The following PWWP2A variants were observed in gnomAD, a reference collection of about 807,000 sequenced individuals.
The protein encoded by PWWP2A is PWWP domain-containing protein 2A.
Under a neutral mutation model 48.5 loss-of-function variants are expected in PWWP2A, and 18 were observed. That is an observed-to-expected ratio of 0.37 (90% CI 0.26 to 0.55). The LOEUF (loss-of-function observed/expected upper bound fraction) is 0.55, where lower values mean the gene tolerates loss of function less well. Among genes scored for constraint, PWWP2A ranks in the 20% least tolerant of loss-of-function variants. The pLI is 0.81. For missense variants in PWWP2A, 867 were observed against 976.4 expected (o/e 0.89, Z 1.49); for synonymous variants, 396 against 387.7 (o/e 1.02, Z -0.25).
At chr5:160,053,312 G>T in the PWWP2A span, among the ~76,000 whole-genome samples, 2 of 152,290 alleles carry the variant, frequency 1.3e-5, no homozygotes, top group East Asian at 3.9e-4. Context: ...GGTAGTGTGG[G>T]CTGGGTGTGG....
rs1755281351 is a variant in PWWP2A at position 160,093,336 on chromosome 5, C to T, written c.1314G>A (p.Lys438=). 6.2e-7 allele frequency: 1 copy of T among 1,613,798 alleles called. No homozygotes were observed. Among genetic ancestry groups the T allele is most frequent in the Non-Finnish European group, 8.5e-7 (1 of 1,179,796 alleles). ...AREVLKIAKE[K]AQKKQNETST... is the part of the protein sequence containing the mutation. ...AGGTTTCATTTTGCTTCTTTTGTGC[C>T]TTTTCTTTGGCAATTTTTAACACTT... is the stretch of plus-strand genomic sequence containing the variant. Residue 438 remains lysine, a synonymous_variant, in exon 2 of 2, where the codon AAG becomes AAA. Coordinates refer to ENST00000307063, the MANE Select transcript of PWWP2A (RefSeq NM_001130864.2). The surrounding 1 kb of genome is among the most constrained non-coding windows in gnomAD (Gnocchi z 5.8).
intron 5 of PWWP2A, among the ~76,000 whole-genome samples, chr5:160,062,546 A>G (rs1481011875): frequency 2.6e-5 from 4 of 152,224 alleles, no homozygotes; most frequent in Non-Finnish European, 4.4e-5. Flanking sequence ...AGTGGCTTAC[A>G]TGATAGATGC....
intron 1 of PWWP2A, among the ~76,000 whole-genome samples, chr5:160,103,825 C>A (rs1300398030): frequency 6.6e-6 from 1 of 152,048 alleles, no homozygotes; most frequent in African/African-American, 2.4e-5. Flanking sequence ...TAACCAGTCT[C>A]TTAATAAGAA....
Position 160,119,260 on chromosome 5 carries a change from C to A in PWWP2A, c.129G>T (p.Thr43=). 1 of 1,405,850 alleles carries A rather than the reference C, an allele frequency of 7.1e-7. No individual in the cohort carries two copies. The highest frequency in any genetic ancestry group is 3.0e-5 in the East Asian group (1 of 33,880). 87.1% of individuals were successfully genotyped at this position (1,405,850 alleles called of 1,614,324 possible). A position where few individuals can be genotyped will look rare whatever the true frequency, so the allele number is the denominator to read the frequency against. ...SEAGTDPLPV[T]ATEASVPDGE... ...CATCCGGCACAGACGCTTCAGTGGC[C>A]GTGACCGGGAGGGGGTCAGTGCCGG... Residue 43 remains threonine, a synonymous_variant, in exon 1 of 2, where the codon ACG becomes ACT. Coordinates refer to ENST00000307063, the MANE Select transcript of PWWP2A (RefSeq NM_001130864.2).
At chr5:160,072,298 T>C (rs1290930835), downstream of PWWP2A, among the ~76,000 whole-genome samples, 1 of 152,032 alleles carries the variant, frequency 6.6e-6, no homozygotes, top group Non-Finnish European at 1.5e-5. Context: ...TATACTAAAA[T>C]TGGAATGATA....
chr5:160,059,705 C>A (rs1352991885), downstream of PWWP2A, among the ~76,000 whole-genome samples: 1 of 152,170 alleles, frequency 6.6e-6, no homozygotes, highest in Non-Finnish European at 1.5e-5. Flanking sequence ...ACCGCACTTA[C>A]CATTTCAGTT....
downstream of PWWP2A, chr5:160,089,602 C>CTA: frequency 7.8e-7 from 1 of 1,288,540 alleles, no homozygotes; most frequent in Non-Finnish European, 1.0e-6. Flanking sequence ...GCTTCCTGGT[C>CTA]TATAAATTCT....
downstream of PWWP2A, among the ~76,000 whole-genome samples, chr5:160,088,335 C>A (rs1754805094): frequency 6.6e-6 from 1 of 152,048 alleles, no homozygotes; most frequent in Admixed American, 6.6e-5. Context: ...CGAGTTCAAG[C>A]AATTCTCCTG....
chr5:160,110,993 A>AT (rs1308306464), intron 1 of PWWP2A, among the ~76,000 whole-genome samples: 4 of 150,656 alleles, frequency 2.7e-5, no homozygotes, highest in African/African-American at 9.8e-5. Context: ...AAAAAAAAAA[A>AT]ATGACACACC....
At chr5:160,071,084 G>A (rs751266933), downstream of PWWP2A, among the ~76,000 whole-genome samples, 21 of 152,170 alleles carry the variant, frequency 1.4e-4, no homozygotes, top group Non-Finnish European at 2.6e-4. Flanking sequence ...AGCTACTTAG[G>A]AGGCTGAGGT....
rs1303515674 is a variant in PWWP2A at position 160,105,697 on chromosome 5, AG to A, written c.585-11633del. ...AGGTGCTAATGAGAGAAAGAGAAAA[AG>A]ATTAAGAAAGAGGTTACAGTGAGCC... On this transcript the variant is annotated intron_variant, in intron 1 of 1. Transcript: ENST00000307063. 3 of 976,204 alleles carry A rather than the reference AG, an allele frequency of 3.1e-6. No individual in the cohort carries two copies. In the East Asian group the frequency reaches 3.4e-4, roughly 112 times the overall value. 60.5% of individuals were successfully genotyped at this position (976,204 alleles called of 1,614,324 possible). A position where few individuals can be genotyped will look rare whatever the true frequency, so the allele number is the denominator to read the frequency against.
chr5:160,060,614 A>G (rs574009243), downstream of PWWP2A, among the ~76,000 whole-genome samples: 1 of 152,334 alleles, frequency 6.6e-6, no homozygotes, highest in South Asian at 2.1e-4. Flanking sequence ...TGTGGCAGAT[A>G]GGCTAGTTTG....
intron 1 of PWWP2A, chr5:160,108,687 T>C (rs567989816): frequency 2.4e-4 from 203 of 841,154 alleles, no homozygotes; most frequent in Non-Finnish European, 3.2e-4. Flanking sequence ...CAAATTGCTT[T>C]CAAGAACTTA....
downstream of PWWP2A, among the ~76,000 whole-genome samples, chr5:160,088,777 C>T: frequency 6.6e-6 from 1 of 152,080 alleles, no homozygotes; most frequent in East Asian, 1.9e-4. Flanking sequence ...GCATGCAGCA[C>T]AAACCATAGA....
chr5:160,059,471 A>G (rs1257116757), downstream of PWWP2A, among the ~76,000 whole-genome samples: 6 of 152,356 alleles, frequency 3.9e-5, no homozygotes, highest in East Asian at 3.9e-4. Flanking sequence ...AACTTTCTCC[A>G]TATAAGCAAT....
At chr5:160,115,801 T>C (rs748445627) in intron 1 of PWWP2A, among the ~76,000 whole-genome samples, 6 of 151,676 alleles carry the variant, frequency 4.0e-5, no homozygotes, top group South Asian at 2.1e-4. Flanking sequence ...ATCCCAGCAC[T>C]GCACTGCAGC....
At chr5:160,117,062 G>A (rs566652476) in intron 1 of PWWP2A, among the ~76,000 whole-genome samples, 6 of 151,858 alleles carry the variant, frequency 4.0e-5, no homozygotes, top group Non-Finnish European at 8.8e-5. Flanking sequence ...ACTGCAGCCT[G>A]GACAACAAGA....
chr5:160,056,107 G>C, the PWWP2A span, among the ~76,000 whole-genome samples: 1 of 152,180 alleles, frequency 6.6e-6, no homozygotes, highest in South Asian at 2.1e-4. Context: ...GCTGCCAGGT[G>C]CCTATCCCTA....
chr5:160,084,296 T>C (rs560501335), intron 2 of PWWP2A, among the ~76,000 whole-genome samples: 11 of 152,246 alleles, frequency 7.2e-5, no homozygotes, highest in Non-Finnish European at 1.2e-4. Context: ...AGTGTGTAAG[T>C]GGCTGATCAA....
Sources: allele counts gnomAD v4.1 joint callset (sites outside exome capture counted in the v4.1 genomes callset), GRCh38; gene constraint gnomAD v4.1.1; non-coding constraint Gnocchi (gnomAD v3.1); transcripts MANE v1.5; gene names NCBI Gene and HGNC (gene_info 2026-07-23, HGNC 2026-07-21).